Variants in RHOT1 observed in about 807,000 individuals in gnomAD.
RHOT1 encodes the protein ras homolog family member T1, also known as mitochondrial Rho GTPase 1.
In RHOT1, 27 loss-of-function variants were observed where a neutral mutation model predicts 95.3. The ratio of observed to expected loss-of-function variants is 0.28; its 90% CI spans 0.21 to 0.39. The LOEUF is 0.39. Ranked by LOEUF, RHOT1 falls within the 10% of genes least tolerant of loss-of-function variation. RHOT1 has a pLI of 1.00. For missense variants in RHOT1, 578 were observed against 786.7 expected (o/e 0.73, Z 3.17); for synonymous variants, 227 against 263.5 (o/e 0.86, Z 1.34).
At chr17:32,175,395 G>T (rs1485613206) in intron 4 of RHOT1, 33 bp downstream of exon 4, 6 of 1,585,738 alleles carry the variant, frequency 3.8e-6, no homozygotes, top group African/African-American at 2.7e-5. Context: ...GTGGGGTTTT[G>T]TGTAGAAAAA....
chr17:32,210,588 G>A (rs1269804514), intron 18 of RHOT1, among the ~76,000 whole-genome samples: 2 of 152,240 alleles, frequency 1.3e-5, no homozygotes, highest in Non-Finnish European at 2.9e-5. Flanking sequence ...AATTAAAGAC[G>A]TTGTTGTTCA....
chr17:32,199,402 C>T lies in RHOT1; in HGVS notation c.955-3C>T. 6.2e-7 allele frequency: 1 copy of T among 1,601,462 alleles called. No homozygotes were observed. Among genetic ancestry groups the T allele is most frequent in the Non-Finnish European group, 8.5e-7 (1 of 1,176,402 alleles). On this transcript the variant is annotated splice_polypyrimidine_tract_variant and splice_region_variant and intron_variant, in intron 12 of 19. Transcript: ENST00000545287. The stretch of plus-strand genomic sequence containing the variant: ...AACATTCTGTATCCTTGTGTTTCTT[C>T]AGGATAGAGACTGTGCTTTGTCACC...
At position 32,224,627 on chromosome 17, in the gene RHOT1, AAGCTGACCTCAAG is replaced by A; in HGVS notation, c.1879_1891del (p.Asp627ProfsTer26). The A allele has an allele frequency of 6.2e-7, 1 of 1,612,794 alleles. No homozygotes were observed. The highest frequency in any genetic ancestry group is 8.5e-7 in the Non-Finnish European group (1 of 1,179,144). ...TTTTCTGACTGCAGGCACGTGACAC[AAGCTGACCTCAAG>A]AGCTCCACGTTTTGGCTTCGAGCAA... On this transcript the variant is annotated frameshift_variant, in exon 20 of 20. Coordinates refer to ENST00000545287, the MANE Select transcript of RHOT1 (RefSeq NM_001033566.3). LOFTEE classifies it high-confidence loss of function.
intron 8 of RHOT1, among the ~76,000 whole-genome samples, chr17:32,184,371 G>T (rs538083280): frequency 6.6e-6 from 1 of 152,052 alleles, no homozygotes; most frequent in African/African-American, 2.4e-5. Flanking sequence ...TTTACTTAGC[G>T]TAATATTTCC....
At chr17:32,224,083 G>A (rs576377544) in intron 19 of RHOT1, among the ~76,000 whole-genome samples, 4 of 152,114 alleles carry the variant, frequency 2.6e-5, no homozygotes, top group African/African-American at 9.6e-5. Context: ...CTCCCCCTTC[G>A]GGTTTTTTGG....
At chr17:32,181,901 A>T (rs2035663321) in intron 6 of RHOT1, among the ~76,000 whole-genome samples, 1 of 152,154 alleles carries the variant, frequency 6.6e-6, no homozygotes, top group Non-Finnish European at 1.5e-5. Flanking sequence ...AGTACTCTGT[A>T]GCCATTCTGG....
chr17:32,149,627 A>ATG (rs1488563031), intron 1 of RHOT1, among the ~76,000 whole-genome samples: 12 of 87,206 alleles, frequency 1.4e-4, no homozygotes, highest in African/African-American at 4.6e-4. Context: ...ATATATATAT[A>ATG]TATATATATG....
intron 1 of RHOT1, among the ~76,000 whole-genome samples, chr17:32,155,040 C>T (rs2032799881): frequency 6.6e-6 from 1 of 152,202 alleles, no homozygotes; most frequent in African/African-American, 2.4e-5. Flanking sequence ...GCTGTGATTG[C>T]ACCACTGCAC....
At chr17:32,165,334 C>T (rs2033965800) in intron 1 of RHOT1, among the ~76,000 whole-genome samples, 2 of 84,314 alleles carry the variant, frequency 2.4e-5, no homozygotes, top group South Asian at 5.2e-4. Flanking sequence ...AAGACTCCGT[C>T]TCAAAAAAAA....
At position 32,193,148 on chromosome 17, in the gene RHOT1, A is replaced by G; in HGVS notation, c.652A>G (p.Asn218Asp). ...ELNFFQRICFNTPLAPQALED... is the reference protein window; with the variant it reads ...ELNFFQRICFDTPLAPQALED... ...TGTTTTTTGCTAGAGGATTTGTTTC[A>G]ACACTCCATTAGCTCCTCAAGCTCT... is the stretch of plus-strand genomic sequence containing the variant. Residue 218 changes from asparagine (N) to aspartate (D), a missense_variant, in exon 10 of 20, where the codon AAC becomes GAC. Transcript: ENST00000545287. 1 of 1,606,614 alleles carries G rather than the reference A, an allele frequency of 6.2e-7. No homozygotes were observed. Among genetic ancestry groups the G allele is most frequent in the Non-Finnish European group, 8.5e-7 (1 of 1,175,656 alleles).
At chr17:32,209,370 G>A in intron 18 of RHOT1, 2 of 1,609,776 alleles carry the variant, frequency 1.2e-6, no homozygotes, top group Non-Finnish European at 1.7e-6. Flanking sequence ...TACAGAGACA[G>A]ACTCTCCCGA....
chr17:32,216,740 G>A (rs145414769), intron 19 of RHOT1, among the ~76,000 whole-genome samples: 2 of 152,102 alleles, frequency 1.3e-5, no homozygotes, highest in Non-Finnish European at 2.9e-5. Flanking sequence ...ATTATTGTCA[G>A]ACAAAAATGA....
chr17:32,195,709 C>T (rs1299242656), intron 11 of RHOT1, among the ~76,000 whole-genome samples: 1 of 152,184 alleles, frequency 6.6e-6, no homozygotes, highest in Non-Finnish European at 1.5e-5. Flanking sequence ...ATTGAGGAAG[C>T]AAAGTTCTTT....
intron 19 of RHOT1, among the ~76,000 whole-genome samples, chr17:32,214,277 C>A (rs1325229486): frequency 2.0e-5 from 3 of 152,164 alleles, no homozygotes; most frequent in Admixed American, 2.0e-4. Context: ...CAGGCACTGT[C>A]TAAAAGAGGC....
At chr17:32,143,994 A>G (rs1296341890) in intron 1 of RHOT1, among the ~76,000 whole-genome samples, 2 of 152,208 alleles carry the variant, frequency 1.3e-5, no homozygotes, top group African/African-American at 2.4e-5. Flanking sequence ...TTAGCCAGCC[A>G]TAGTTTACTT....
intron 1 of RHOT1, among the ~76,000 whole-genome samples, chr17:32,158,962 A>C: frequency 6.6e-6 from 1 of 152,146 alleles, no homozygotes; most frequent in African/African-American, 2.4e-5. Context: ...CTGGAGCAGC[A>C]GTGGTGGTGG....
At chr17:32,207,550 G>A (rs2037843038) in intron 17 of RHOT1, 2 of 153,794 alleles carry the variant, frequency 1.3e-5, no homozygotes, top group African/African-American at 4.8e-5. Context: ...AACAATGGAC[G>A]ATGATTTACT....
At chr17:32,200,385 T>C (rs1306498823) in intron 13 of RHOT1, among the ~76,000 whole-genome samples, 1 of 152,084 alleles carries the variant, frequency 6.6e-6, no homozygotes, top group African/African-American at 2.4e-5. Context: ...TTTGTAAGCT[T>C]AGTGTTTCTG....
At position 32,194,068 on chromosome 17, in the gene RHOT1, A is replaced by G; in HGVS notation, c.830A>G (p.Asp277Gly). ...ACTGTGCTTCGACGATTTGGTTATG[A>G]TGATGACCTGGATTTGACACCTGAA... Reference protein sequence around the residue: ...TWTVLRRFGYDDDLDLTPEYL... With the variant: ...TWTVLRRFGYGDDLDLTPEYL... Residue 277 changes from aspartate to glycine, a missense_variant, in exon 11 of 20, where the codon GAT becomes GGT. By Grantham distance (94) the Asp-to-Gly change is moderately conservative (BLOSUM62 -1). Around this residue, in one of 4 missense-constraint regions of RHOT1, gnomAD observed 227 missense variants for 316.0 expected, o/e 0.72. Coordinates refer to ENST00000545287, the MANE Select transcript of RHOT1 (RefSeq NM_001033566.3). The G allele has an allele frequency of 6.2e-7, 1 of 1,614,170 alleles. No individual in the cohort carries two copies.
Sources: allele counts gnomAD v4.1 joint callset (sites outside exome capture counted in the v4.1 genomes callset), GRCh38; gene constraint gnomAD v4.1.1; regional missense constraint gnomAD v4.1.1; transcripts MANE v1.5; gene names NCBI Gene and HGNC (gene_info 2026-07-23, HGNC 2026-07-21).